The following ASXL2 variants were observed in gnomAD, a reference collection of about 807,000 sequenced individuals.
ASXL2 encodes putative Polycomb group protein ASXL2.
ASXL2 carries 23 observed loss-of-function variants against 122.0 expected under a neutral mutation model. That is an observed-to-expected ratio of 0.19 (90% CI 0.14 to 0.27). The LOEUF (loss-of-function observed/expected upper bound fraction) is 0.27. Ranked by LOEUF, ASXL2 falls within the 10% of genes least tolerant of loss-of-function variation. ASXL2 has a pLI of 1.00. For missense variants in ASXL2, 1,518 were observed against 1,713.8 expected, an observed-to-expected ratio of 0.89 and a Z score of 2.02; for synonymous variants, 650 against 637.0, an observed-to-expected ratio of 1.02 and a Z score of -0.31.
At chr2:25,832,861 G>A (rs529743114) in intron 3 of ASXL2, among the ~76,000 whole-genome samples, 3 of 152,288 alleles carry the variant, frequency 2.0e-5, no homozygotes, top group African/African-American at 7.2e-5. Context: ...CAATAAAAAA[G>A]AATGAACTAT....
rs748108414 is a variant in ASXL2 at position 25,750,297 on chromosome 2, A to G, written c.1259T>C (p.Ile420Thr). Residue 420 changes from isoleucine to threonine, a missense_variant, in exon 12 of 13, where the codon ATC (isoleucine) becomes ACC (threonine). This residue lies in a region of ASXL2 where 292 missense variants were observed against 293.5 expected (regional missense o/e 1.00). Coordinates refer to ENST00000435504, the MANE Select transcript of ASXL2 (RefSeq NM_018263.6). ...CTGGGAGACTACTGGAACTATTCTG[A>G]TAAGAGAGGCCTCTGACACAGGCAT... is the stretch of plus-strand genomic sequence containing the variant. ...KSMPVSEASL[I>T]RIVPVVSQSE... The G allele has an allele frequency of 5.6e-6, 9 of 1,613,868 alleles. No individual in the cohort carries two copies. The highest frequency in any genetic ancestry group is 5.9e-6 in the Non-Finnish European group (7 of 1,179,894).
In ASXL2 at chr2:25,752,184, G is replaced by C. The variant is rs1313923554; in HGVS notation, c.1142+1350C>G. ...AGGAGAACTTAGTTTTCAAGCTGTG[G>C]TTACGGGTCTTCTTAAGGGCTGCCA... is the stretch of plus-strand genomic sequence containing the variant. On this transcript the variant is annotated intron_variant, in intron 11 of 12. Coordinates refer to ENST00000435504, the MANE Select transcript of ASXL2 (RefSeq NM_018263.6). 2.0e-5 allele frequency among the ~76,000 whole-genome samples: 3 copies of C among 152,198 alleles called. No homozygotes were observed. The East Asian group carries it at 5.8e-4, about 29-fold the overall frequency.
chr2:25,769,805 A>G (rs1050590152), intron 6 of ASXL2, among the ~76,000 whole-genome samples: 2 of 152,052 alleles, frequency 1.3e-5, no homozygotes, highest in African/African-American at 2.4e-5. Flanking sequence ...CTGGTTTCCT[A>G]TTTTCTTTTC....
chr2:25,765,125 T>A (rs1256939245), intron 8 of ASXL2, among the ~76,000 whole-genome samples: 1 of 152,234 alleles, frequency 6.6e-6, no homozygotes, highest in Non-Finnish European at 1.5e-5. Flanking sequence ...GAAAGTATTT[T>A]ATATAAATTA....
At chr2:25,854,853 C>A (rs10173557) in intron 1 of ASXL2, among the ~76,000 whole-genome samples, 49,005 of 151,948 alleles carry the variant, frequency 0.32, 8,451 homozygotes, top group African/African-American at 0.41. Flanking sequence ...CTATTCCACT[C>A]ATCCTCTATA....
intron 1 of ASXL2, among the ~76,000 whole-genome samples, chr2:25,855,009 C>T (rs889395923): frequency 6.6e-6 from 1 of 152,190 alleles, no homozygotes; most frequent in Non-Finnish European, 1.5e-5. Context: ...TCAAGAACCT[C>T]CTCAGCTCTG....
At chr2:25,753,740 C>T in intron 10 of ASXL2, 101 bp from the exon 11 acceptor site, 9 of 885,246 alleles carry the variant, frequency 1.0e-5, no homozygotes, top group South Asian at 1.6e-5. Context: ...TGGAATACTA[C>T]CATGTGAAAG....
intron 1 of ASXL2, among the ~76,000 whole-genome samples, chr2:25,860,138 C>G (rs1183837623): frequency 2.0e-5 from 3 of 151,410 alleles, no homozygotes; most frequent in Admixed American, 6.6e-5. Flanking sequence ...ATGGAGAAAC[C>G]CCATCTCTAC....
intron 3 of ASXL2, among the ~76,000 whole-genome samples, chr2:25,833,563 G>T (rs1401621067): frequency 1.3e-5 from 2 of 152,122 alleles, no homozygotes; most frequent in Admixed American, 1.3e-4. Context: ...GGGCGTGGTA[G>T]CGTGCGCCTG....
At chr2:25,855,326 C>T (rs1007849283) in intron 1 of ASXL2, among the ~76,000 whole-genome samples, 7 of 152,022 alleles carry the variant, frequency 4.6e-5, no homozygotes, top group Non-Finnish European at 8.8e-5. Flanking sequence ...GGGTGGATTG[C>T]TTTGAGCCCA....
intron 2 of ASXL2, among the ~76,000 whole-genome samples, chr2:25,839,430 C>A (rs1015523265): frequency 6.6e-6 from 1 of 152,038 alleles, no homozygotes; most frequent in Non-Finnish European, 1.5e-5. Context: ...CTTGTTTTAA[C>A]TGTTACAAAA....
intron 5 of ASXL2, among the ~76,000 whole-genome samples, chr2:25,773,857 C>G (rs2088502694): frequency 6.6e-6 from 1 of 150,756 alleles, no homozygotes; most frequent in African/African-American, 2.4e-5. Context: ...ATGGTGAAAC[C>G]CCGCCTCTAC....
At chr2:25,797,001 A>G (rs1203055442) in intron 5 of ASXL2, among the ~76,000 whole-genome samples, 2 of 152,224 alleles carry the variant, frequency 1.3e-5, no homozygotes, top group Non-Finnish European at 2.9e-5. Flanking sequence ...AGAACATAAC[A>G]TAACATTGAA....
At chr2:25,848,961 G>A (rs2089683230) in intron 1 of ASXL2, among the ~76,000 whole-genome samples, 1 of 149,276 alleles carries the variant, frequency 6.7e-6, no homozygotes, top group African/African-American at 2.5e-5. Flanking sequence ...CAGGAAAACC[G>A]CTTGGACCAG....
chr2:25,799,783 T>C (rs988848132), intron 4 of ASXL2, among the ~76,000 whole-genome samples: 4 of 152,154 alleles, frequency 2.6e-5, no homozygotes, highest in African/African-American at 9.7e-5. Context: ...AGGCTTAAAT[T>C]AGACAAAAAT....
At chr2:25,816,371 C>T (rs2089234070) in intron 3 of ASXL2, among the ~76,000 whole-genome samples, 1 of 152,206 alleles carries the variant, frequency 6.6e-6, no homozygotes, top group South Asian at 2.1e-4. Flanking sequence ...TTCACACCAT[C>T]GTGTGACCTT....
At chr2:25,751,432 G>A (rs904009641) in intron 11 of ASXL2, among the ~76,000 whole-genome samples, 1 of 152,130 alleles carries the variant, frequency 6.6e-6, no homozygotes, top group Non-Finnish European at 1.5e-5. Flanking sequence ...ACAGGGGTTT[G>A]AAACCAGCCT....
At chr2:25,874,145 A>G (rs1410633375) in intron 1 of ASXL2, among the ~76,000 whole-genome samples, 1 of 152,058 alleles carries the variant, frequency 6.6e-6, no homozygotes, top group Non-Finnish European at 1.5e-5. Flanking sequence ...GGAGTTCAAG[A>G]CCAGCCTGGG....
At chr2:25,804,718 T>C (rs530874622) in intron 4 of ASXL2, among the ~76,000 whole-genome samples, 2 of 152,318 alleles carry the variant, frequency 1.3e-5, no homozygotes, top group South Asian at 4.1e-4. Flanking sequence ...AAGTTATTGA[T>C]AAGTAAAGGT....
Sources: allele counts gnomAD v4.1 joint callset (sites outside exome capture counted in the v4.1 genomes callset), GRCh38; gene constraint gnomAD v4.1.1; regional missense constraint gnomAD v4.1.1; transcripts MANE v1.5; gene names NCBI Gene and HGNC (gene_info 2026-07-23, HGNC 2026-07-21).